The following NKAIN2 variants were observed in gnomAD, a reference collection of about 807,000 sequenced individuals.
NKAIN2 encodes sodium/potassium-transporting ATPase subunit beta-1-interacting protein 2.
A neutral mutation model predicts 32.6 loss-of-function variants in NKAIN2; 14 were observed. The ratio of observed to expected loss-of-function variants is 0.43; its 90% confidence interval spans 0.28 to 0.67. The LOEUF is 0.67. NKAIN2 is among the 30% of genes least tolerant of loss of function. NKAIN2 has a pLI of 0.17. For synonymous variants in NKAIN2, 80 were observed against 87.2 expected (o/e 0.92, Z 0.46); for missense variants, 198 against 258.3 (o/e 0.77, Z 1.60).
intron 1 of NKAIN2, among the ~76,000 whole-genome samples, chr6:123,988,536 A>T (rs1401464558): frequency 6.6e-6 from 1 of 152,084 alleles, no homozygotes; most frequent in Admixed American, 6.5e-5. Flanking sequence ...CCCAGCTTGC[A>T]GCCTCTTAAA....
At chr6:124,150,210 C>A (rs1787636317) in intron 1 of NKAIN2, among the ~76,000 whole-genome samples, 1 of 152,040 alleles carries the variant, frequency 6.6e-6, no homozygotes, top group African/African-American at 2.4e-5. Flanking sequence ...CACACTTTTT[C>A]AAAATTGTTT....
chr6:123,824,291 C>A (rs893118689), intron 1 of NKAIN2, among the ~76,000 whole-genome samples: 1 of 152,060 alleles, frequency 6.6e-6, no homozygotes, highest in Non-Finnish European at 1.5e-5. Flanking sequence ...ACTGAAACTG[C>A]CTTATTCCTA....
intron 2 of NKAIN2, among the ~76,000 whole-genome samples, chr6:124,354,537 A>G (rs1447373735): frequency 2.0e-5 from 3 of 152,174 alleles, no homozygotes; most frequent in Non-Finnish European, 4.4e-5. Flanking sequence ...TGAAAAGGAG[A>G]CACCAAAGAG....
rs199553290 is a variant in NKAIN2, at chr6:124,057,498, GAC to G, written c.55-225504_55-225503del. ...AAAGTATATATTTTTCGAAATAGAA[GAC>G]ACTAAAAAAATGACTCAGGCAGTAA... is the stretch of plus-strand genomic sequence containing the variant. On this transcript the variant is annotated intron_variant, in intron 1 of 6. Coordinates refer to ENST00000368417, the MANE Select transcript of NKAIN2 (RefSeq NM_001040214.3). 4.1e-3 allele frequency among the ~76,000 whole-genome samples: 618 copies of G among 152,032 alleles called. 4 individuals are homozygous for G. The highest frequency in any genetic ancestry group is 0.026 in the East Asian group (132 of 5,168).
chr6:124,700,963 AAT>A (rs1349442682), intron 4 of NKAIN2, among the ~76,000 whole-genome samples: 5 of 149,050 alleles, frequency 3.4e-5, no homozygotes, highest in African/African-American at 1.2e-4. Context: ...CACACATATA[AAT>A]ATTGTAATTA....
chr6:124,655,285 C>A (rs114268905), intron 3 of NKAIN2, among the ~76,000 whole-genome samples: 1 of 152,030 alleles, frequency 6.6e-6, no homozygotes, highest in Admixed American at 6.6e-5. Flanking sequence ...AATTGAGTAT[C>A]CAAGTGAGGC....
rs545889662 is a variant in NKAIN2, at chr6:124,450,174, T to C, written c.273+94827T>C. On this transcript the variant is annotated intron_variant, in intron 3 of 6. Transcript: ENST00000368417. ...TTTCATCCTTTCGTGTTTATCCCCATTATCACATTTCTCAAAATGTGACAT... is the reference window on the plus strand; with the variant it reads ...TTTCATCCTTTCGTGTTTATCCCCACTATCACATTTCTCAAAATGTGACAT... Among the ~76,000 whole-genome samples, 19 of 152,218 alleles carry C rather than the reference T, an allele frequency of 1.2e-4. 1 individual carries two copies. The South Asian group carries it at 3.9e-3, about 32-fold the overall frequency.
At chr6:124,779,308 GA>G (rs1779142077) in intron 4 of NKAIN2, among the ~76,000 whole-genome samples, 3 of 94,154 alleles carry the variant, frequency 3.2e-5, no homozygotes, top group South Asian at 4.7e-4. Flanking sequence ...GGGAGGGAGG[GA>G]GGGAGGGAGG....
At chr6:124,711,899 G>T (rs569692786) in intron 4 of NKAIN2, among the ~76,000 whole-genome samples, 27 of 152,120 alleles carry the variant, frequency 1.8e-4, no homozygotes, top group South Asian at 6.2e-4. Flanking sequence ...GGCACTCTGC[G>T]TTTTAGAGTT....
chr6:123,866,446 T>C (rs1360958923), intron 1 of NKAIN2, among the ~76,000 whole-genome samples: 1 of 152,208 alleles, frequency 6.6e-6, no homozygotes, highest in Non-Finnish European at 1.5e-5. Context: ...TTTTTTCTTT[T>C]TTGAGACGGA....
At chr6:123,836,461 T>G (rs1474670312) in intron 1 of NKAIN2, among the ~76,000 whole-genome samples, 1 of 151,966 alleles carries the variant, frequency 6.6e-6, no homozygotes, top group Non-Finnish European at 1.5e-5. Context: ...AGCTGCAGTC[T>G]CATCATGAGA....
intron 3 of NKAIN2, among the ~76,000 whole-genome samples, chr6:124,409,859 C>T (rs181424464): frequency 1.3e-5 from 2 of 152,292 alleles, no homozygotes; most frequent in African/African-American, 4.8e-5. Context: ...TAATCATTGC[C>T]TCAATTTCAG....
chr6:124,468,690 A>C (rs2114667009), intron 3 of NKAIN2, among the ~76,000 whole-genome samples: 1 of 152,340 alleles, frequency 6.6e-6, no homozygotes, highest in Non-Finnish European at 1.5e-5. Context: ...TATTACATTT[A>C]ATTCTACCAG....
chr6:123,890,347 A>G (rs1485121646), intron 1 of NKAIN2, among the ~76,000 whole-genome samples: 2 of 151,898 alleles, frequency 1.3e-5, no homozygotes, highest in African/African-American at 4.8e-5. Flanking sequence ...ATAGTAGTGG[A>G]GGATGAGGTG....
chr6:124,707,711 G>GT, intron 4 of NKAIN2, among the ~76,000 whole-genome samples: 1 of 151,764 alleles, frequency 6.6e-6, no homozygotes, highest in African/African-American at 2.4e-5. Context: ...TTGTAAATTT[G>GT]TTTGAGTCCA....
At chr6:123,880,982 G>A (rs999768582) in intron 1 of NKAIN2, among the ~76,000 whole-genome samples, 3 of 152,006 alleles carry the variant, frequency 2.0e-5, no homozygotes, top group Non-Finnish European at 4.4e-5. Context: ...TTACAGGGTG[G>A]GCAAGGCTGT....
At chr6:124,289,791 C>T (rs548411888) in intron 2 of NKAIN2, among the ~76,000 whole-genome samples, 1 of 152,190 alleles carries the variant, frequency 6.6e-6, no homozygotes, top group African/African-American at 2.4e-5. Context: ...TCCTACAAGT[C>T]ATTTCTAAGA....
chr6:124,029,584 G>A (rs988615884), intron 1 of NKAIN2, among the ~76,000 whole-genome samples: 48 of 152,026 alleles, frequency 3.2e-4, no homozygotes, highest in African/African-American at 1.1e-3. Flanking sequence ...TAAGCCTAAC[G>A]AAAACAAAAT....
At chr6:124,212,678 G>A (rs1791251094) in intron 1 of NKAIN2, among the ~76,000 whole-genome samples, 1 of 151,962 alleles carries the variant, frequency 6.6e-6, no homozygotes, top group South Asian at 2.1e-4. Context: ...TTTTTGAAAG[G>A]ATTTAGTATG....
Sources: allele counts gnomAD v4.1 joint callset (sites outside exome capture counted in the v4.1 genomes callset), GRCh38; gene constraint gnomAD v4.1.1; transcripts MANE v1.5; gene names NCBI Gene and HGNC (gene_info 2026-07-23, HGNC 2026-07-21).